Variants in DRC11 observed in about 807,000 individuals in gnomAD.
DRC11 encodes IQ and AAA domain-containing protein 1.
At chr2:236,427,425 GT>G in the DRC11 span, among the ~76,000 whole-genome samples, 2 of 151,978 alleles carry the variant, frequency 1.3e-5, no homozygotes, top group Non-Finnish European at 2.9e-5. The surrounding 1 kb of genome is among the most constrained non-coding windows in gnomAD (Gnocchi z 5.9). Flanking sequence ...TATTGGAAGG[GT>G]TTTGATTACT....
chr2:236,383,020 A>G, the DRC11 span, among the ~76,000 whole-genome samples: 387 of 152,328 alleles, frequency 2.5e-3, 3 homozygotes, highest in African/African-American at 8.8e-3. Flanking sequence ...TTGGTATAAT[A>G]TTATCAATAA....
At chr2:236,488,128 C>T in the DRC11 span, 4 of 1,610,460 alleles carry the variant, frequency 2.5e-6, no homozygotes, top group African/African-American at 2.7e-5. Context: ...CCTTGCCGTG[C>T]CCTCTCAGCA....
the DRC11 span, among the ~76,000 whole-genome samples, chr2:236,481,173 T>C: frequency 1.1e-4 from 17 of 152,236 alleles, no homozygotes; most frequent in African/African-American, 4.1e-4. Flanking sequence ...TTTTGTGGGC[T>C]GGGGATGCTA....
At chr2:236,506,295 T>A in the DRC11 span, among the ~76,000 whole-genome samples, 4 of 152,208 alleles carry the variant, frequency 2.6e-5, no homozygotes, top group Non-Finnish European at 4.4e-5. This position sits in a 1 kb window ranked among gnomAD's most constrained non-coding sequence, Gnocchi z 4.9. Flanking sequence ...ACAAAGACCA[T>A]CACAGGCTGA....
the DRC11 span, chr2:236,343,652 C>T: frequency 6.0e-5 from 67 of 1,108,938 alleles, no homozygotes; most frequent in African/African-American, 7.7e-4. This position sits in a 1 kb window ranked among gnomAD's most constrained non-coding sequence, Gnocchi z 6.6. Context: ...TTCTCTTAGA[C>T]GTGGGACCTG....
chr2:236,507,315 T>C, the DRC11 span: 5 of 1,612,266 alleles, frequency 3.1e-6, no homozygotes, highest in African/African-American at 5.3e-5. Flanking sequence ...AGCTCTTCCG[T>C]TGCTCTCTGA....
the DRC11 span, among the ~76,000 whole-genome samples, chr2:236,318,108 CA>C: frequency 1.3e-5 from 2 of 152,202 alleles, no homozygotes; most frequent in Non-Finnish European, 2.9e-5. This position sits in a 1 kb window ranked among gnomAD's most constrained non-coding sequence, Gnocchi z 7.0. Context: ...TCCTTGGGTG[CA>C]GCAGTCCCGC....
chr2:236,308,557 C>T, the DRC11 span, among the ~76,000 whole-genome samples: 1 of 152,216 alleles, frequency 6.6e-6, no homozygotes, highest in African/African-American at 2.4e-5. The surrounding 1 kb of genome is among the most constrained non-coding windows in gnomAD (Gnocchi z 6.0). Context: ...TGATAGTGAG[C>T]CCTCTGTGGC....
chr2:236,402,596 G>C, the DRC11 span, among the ~76,000 whole-genome samples: 1 of 152,176 alleles, frequency 6.6e-6, no homozygotes, highest in Non-Finnish European at 1.5e-5. This position sits in a 1 kb window ranked among gnomAD's most constrained non-coding sequence, Gnocchi z 6.0. Context: ...AACCATGCAG[G>C]GGGAGCTGCA....
chr2:236,408,719 GA>G, the DRC11 span: 21 of 708,702 alleles, frequency 3.0e-5, 1 homozygote, highest in South Asian at 3.1e-4. This position sits in a 1 kb window ranked among gnomAD's most constrained non-coding sequence, Gnocchi z 5.5. Context: ...AGTTGTTAGA[GA>G]AGTGCTTTTT....
chr2:236,363,660 G>T, the DRC11 span: 1 of 792,468 alleles, frequency 1.3e-6, no homozygotes, highest in Non-Finnish European at 2.1e-6. This position sits in a 1 kb window ranked among gnomAD's most constrained non-coding sequence, Gnocchi z 5.6. Flanking sequence ...ATTTGCAGGA[G>T]TAGACAATGA....
chr2:236,323,221 C>T, the DRC11 span, among the ~76,000 whole-genome samples: 12 of 152,330 alleles, frequency 7.9e-5, no homozygotes, highest in South Asian at 2.1e-3. The surrounding 1 kb of genome is among the most constrained non-coding windows in gnomAD (Gnocchi z 6.4). Flanking sequence ...TCCCATGACA[C>T]GTGAAAGGAT....
At chr2:236,372,233 A>C in the DRC11 span, among the ~76,000 whole-genome samples, 4 of 152,170 alleles carry the variant, frequency 2.6e-5, no homozygotes, top group African/African-American at 9.7e-5. The surrounding 1 kb of genome is among the most constrained non-coding windows in gnomAD (Gnocchi z 4.5). Flanking sequence ...TGTTTTCACT[A>C]GTGGTATTTC....
the DRC11 span, among the ~76,000 whole-genome samples, chr2:236,352,045 T>TGAGGCCGGGAGAGGGTGACAGA: frequency 6.6e-6 from 1 of 152,078 alleles, no homozygotes; most frequent in Non-Finnish European, 1.5e-5. This position sits in a 1 kb window ranked among gnomAD's most constrained non-coding sequence, Gnocchi z 7.0. Flanking sequence ...GGACAGTAGA[T>TGAGGCCGGGAGAGGGTGACAGA]GAGGCCGGGA....
chr2:236,374,644 A>T, the DRC11 span, among the ~76,000 whole-genome samples: 1 of 152,092 alleles, frequency 6.6e-6, no homozygotes, highest in African/African-American at 2.4e-5. Context: ...AGCAAGAGAG[A>T]GGAAAGGGGG....
chr2:236,310,017 C>T, the DRC11 span, among the ~76,000 whole-genome samples: 60 of 152,292 alleles, frequency 3.9e-4, no homozygotes, highest in African/African-American at 1.4e-3. The surrounding 1 kb of genome is among the most constrained non-coding windows in gnomAD (Gnocchi z 5.5). Flanking sequence ...CGTGCCTGCC[C>T]GCAGTTTGAT....
chr2:236,459,022 G>C, the DRC11 span, among the ~76,000 whole-genome samples: 1 of 152,134 alleles, frequency 6.6e-6, no homozygotes, highest in Non-Finnish European at 1.5e-5. Flanking sequence ...TCCAGCCTGG[G>C]CGACAGAGTA....
At chr2:236,442,610 T>C in the DRC11 span, among the ~76,000 whole-genome samples, 1 of 152,216 alleles carries the variant, frequency 6.6e-6, no homozygotes, top group South Asian at 2.1e-4. Flanking sequence ...TATCCATGCA[T>C]GATTTTTTGT....
At chr2:236,432,430 G>C in the DRC11 span, among the ~76,000 whole-genome samples, 1 of 151,950 alleles carries the variant, frequency 6.6e-6, no homozygotes, top group Non-Finnish European at 1.5e-5. Context: ...ATTTTGTTGA[G>C]GTTCAGTTGA....
Sources: allele counts gnomAD v4.1 joint callset (sites outside exome capture counted in the v4.1 genomes callset), GRCh38; gene constraint gnomAD v4.1.1; non-coding constraint Gnocchi (gnomAD v3.1); transcripts MANE v1.5; gene names NCBI Gene and HGNC (gene_info 2026-07-23, HGNC 2026-07-21).